The following BMPER variants were observed in gnomAD, a reference collection of about 807,000 sequenced individuals.
BMPER encodes BMP-binding endothelial regulator protein.
In BMPER, 45 loss-of-function variants were observed where a neutral mutation model predicts 87.3. That is an observed-to-expected ratio of 0.52 (90% CI 0.41 to 0.66). BMPER has a LOEUF of 0.66. BMPER is among the 30% of genes least tolerant of loss of function. BMPER has a pLI of 0.00. For synonymous variants in BMPER, 326 were observed against 316.2 expected (o/e 1.03, Z -0.33); for missense variants, 784 against 867.5 (o/e 0.90, Z 1.21).
chr7:33,999,388 A>G (rs1043187462), intron 6 of BMPER, among the ~76,000 whole-genome samples: 1 of 152,254 alleles, frequency 6.6e-6, no homozygotes, highest in Non-Finnish European at 1.5e-5. Flanking sequence ...TGTTCTCCCC[A>G]TAAAAATAAT....
Position 33,969,397 on chromosome 7 carries a change from T to A in BMPER, c.403-932T>A, listed in dbSNP as rs142496240. Reference sequence around the variant, plus strand: ...CAATTTGCAAATGACTCACTTAATTTATTTATTTATTTATTTTTTTGAGAT... The same window carrying A: ...CAATTTGCAAATGACTCACTTAATTAATTTATTTATTTATTTTTTTGAGAT... On this transcript the variant is annotated intron_variant, in intron 4 of 14. Transcript: ENST00000649409. 1.2e-3 allele frequency among the ~76,000 whole-genome samples: 176 copies of A among 152,262 alleles called. 1 individual carries two copies. The highest frequency in any genetic ancestry group is 5.2e-3 in the East Asian group (27 of 5,174).
At chr7:34,130,316 A>C (rs554787703) in intron 13 of BMPER, among the ~76,000 whole-genome samples, 86 of 152,238 alleles carry the variant, frequency 5.6e-4, no homozygotes, top group African/African-American at 1.8e-3. Context: ...TTCCACCTGC[A>C]ATACACTTCA....
intron 2 of BMPER, among the ~76,000 whole-genome samples, chr7:33,936,026 C>T (rs928852268): frequency 5.3e-5 from 8 of 152,106 alleles, no homozygotes; most frequent in East Asian, 1.9e-4. Flanking sequence ...CACACAAGCT[C>T]GCAGGCACAT....
intron 12 of BMPER, among the ~76,000 whole-genome samples, chr7:34,083,845 A>G (rs1214334488): frequency 6.6e-6 from 1 of 151,560 alleles, no homozygotes; most frequent in Non-Finnish European, 1.5e-5. Context: ...TCCCATCACC[A>G]CCTCATCTTC....
At chr7:33,979,686 C>T (rs937533559) in intron 6 of BMPER, among the ~76,000 whole-genome samples, 1 of 152,164 alleles carries the variant, frequency 6.6e-6, no homozygotes, top group African/African-American at 2.4e-5. Context: ...TGGGGGCACA[C>T]CCTAGGGAGT....
At chr7:33,905,426 C>CCCCCCCG, upstream of BMPER, 2 of 14,134 alleles carry the variant, frequency 1.4e-4, no homozygotes, top group Non-Finnish European at 1.1e-4. Flanking sequence ...GGCGCCCCCA[C>CCCCCCCG]ACCTTGGTCT....
chr7:34,033,573 G>T (rs1238249706), intron 6 of BMPER, among the ~76,000 whole-genome samples: 1 of 152,160 alleles, frequency 6.6e-6, no homozygotes, highest in African/African-American at 2.4e-5. Context: ...AAGTTAGGCT[G>T]GTAGAATAAA....
At chr7:33,966,687 G>C in intron 4 of BMPER, 126 bp downstream of exon 4, 1 of 862,860 alleles carries the variant, frequency 1.2e-6, no homozygotes, top group Admixed American at 2.1e-5. Context: ...CAATGAAAAA[G>C]CAACTGTATC....
chr7:34,122,131 A>T (rs1332308936), intron 13 of BMPER, among the ~76,000 whole-genome samples: 1 of 151,962 alleles, frequency 6.6e-6, no homozygotes, highest in East Asian at 1.9e-4. Context: ...CTGGGGCAGA[A>T]ATCTGTTCTA....
At chr7:34,047,271 T>C (rs538840500) in intron 7 of BMPER, among the ~76,000 whole-genome samples, 67 of 152,030 alleles carry the variant, frequency 4.4e-4, no homozygotes, top group African/African-American at 1.1e-3. Flanking sequence ...TCTTCTTCTT[T>C]TTTGTTTTTT....
chr7:34,115,948 G>A (rs764791138), intron 13 of BMPER, among the ~76,000 whole-genome samples: 19 of 152,146 alleles, frequency 1.2e-4, no homozygotes, highest in African/African-American at 3.9e-4. Context: ...CGTTCTGAGC[G>A]TTCTGATTTC....
intron 7 of BMPER, among the ~76,000 whole-genome samples, chr7:34,048,394 A>G (rs996799445): frequency 2.6e-5 from 4 of 152,172 alleles, no homozygotes; most frequent in African/African-American, 4.8e-5. Flanking sequence ...TGTGAAACAG[A>G]AGAACAAAGC....
intron 6 of BMPER, among the ~76,000 whole-genome samples, chr7:34,034,718 A>G (rs1180602583): frequency 1.3e-5 from 2 of 152,178 alleles, no homozygotes; most frequent in Non-Finnish European, 2.9e-5. Flanking sequence ...TTGTGCTTTT[A>G]CTTTCAGTAT....
intron 2 of BMPER, among the ~76,000 whole-genome samples, chr7:33,927,739 C>T (rs1466355198): frequency 1.3e-5 from 2 of 152,174 alleles, no homozygotes; most frequent in Non-Finnish European, 2.9e-5. Context: ...TCTGCACTGT[C>T]ACCCCAGGAC....
chr7:34,128,586 G>T (rs190174075), intron 13 of BMPER, among the ~76,000 whole-genome samples: 1 of 152,278 alleles, frequency 6.6e-6, no homozygotes, highest in Non-Finnish European at 1.5e-5. Context: ...TGGCATGATA[G>T]GAATACTTCT....
chr7:33,956,822 T>C (rs1785159489), intron 3 of BMPER, among the ~76,000 whole-genome samples: 2 of 152,208 alleles, frequency 1.3e-5, no homozygotes, highest in African/African-American at 4.8e-5. Context: ...ATCAACTATG[T>C]TATTGGTAAG....
At chr7:33,939,845 G>A (rs1489894895) in intron 3 of BMPER, 1 of 183,528 alleles carries the variant, frequency 5.4e-6, no homozygotes, top group Non-Finnish European at 1.3e-5. Flanking sequence ...TCAGTTCTAT[G>A]TAGCAGTGTG....
rs1791271604 is a variant in BMPER at position 34,154,841 on chromosome 7, T to G, written c.*1568T>G. ...TGGCTGGGGGCACTGGGCCTTTGTG[T>G]TTTTTTTCATTCCTGTGTTTGGATA... On this transcript the variant is annotated 3_prime_UTR_variant, in exon 15 of 15. Transcript: ENST00000649409. 1 of 151,642 alleles carries G rather than the reference T, an allele frequency of 6.6e-6. No individual in the cohort carries two copies. Among genetic ancestry groups the G allele is most frequent in the African/African-American group, 2.4e-5 (1 of 41,238 alleles). The allele number at this position is 151,642 out of a possible 1,614,324, so 9.4% of individuals were successfully genotyped here.
intron 6 of BMPER, among the ~76,000 whole-genome samples, chr7:34,003,837 A>G (rs997387526): frequency 3.3e-5 from 5 of 152,026 alleles, no homozygotes; most frequent in Non-Finnish European, 2.9e-5. Flanking sequence ...GCTGCTTTCA[A>G]AATTTTCTGT....
Sources: allele counts gnomAD v4.1 joint callset (sites outside exome capture counted in the v4.1 genomes callset), GRCh38; gene constraint gnomAD v4.1.1; transcripts MANE v1.5; gene names NCBI Gene and HGNC (gene_info 2026-07-23, HGNC 2026-07-21).